DOK6: variants seen among roughly 807,000 people sequenced by gnomAD.
The protein encoded by DOK6 is downstream of tyrosine kinase 6.
DOK6 carries 22 observed loss-of-function variants against 44.0 expected under a neutral mutation model. The ratio of observed to expected loss-of-function variants is 0.50; its 90% CI spans 0.36 to 0.71. The LOEUF is 0.71. DOK6 is among the 30% of genes least tolerant of loss of function. The pLI, the probability that DOK6 is intolerant of heterozygous loss-of-function variation, is 0.00. For synonymous variants in DOK6, 166 were observed against 145.5 expected (o/e 1.14, Z -1.01); for missense variants, 340 against 416.4 (o/e 0.82, Z 1.60).
At chr18:69,751,549 G>A (rs1979178727) in intron 6 of DOK6, among the ~76,000 whole-genome samples, 1 of 152,144 alleles carries the variant, frequency 6.6e-6, no homozygotes, top group Non-Finnish European at 1.5e-5. Flanking sequence ...GTATATTTGA[G>A]TGTGTGTAGA....
intron 5 of DOK6, among the ~76,000 whole-genome samples, chr18:69,736,101 G>C (rs1333045265): frequency 6.6e-6 from 1 of 152,030 alleles, no homozygotes; most frequent in Non-Finnish European, 1.5e-5. Flanking sequence ...ATTCTTGCTG[G>C]CCTTTCCTGA....
chr18:69,592,045 A>T (rs1568305552), intron 2 of DOK6, among the ~76,000 whole-genome samples: 2 of 152,032 alleles, frequency 1.3e-5, no homozygotes, highest in Non-Finnish European at 2.9e-5. Flanking sequence ...ACTATTTGGG[A>T]ATTATTTTCA....
chr18:69,583,276 C>T (rs1408058058), intron 2 of DOK6, among the ~76,000 whole-genome samples: 1 of 152,130 alleles, frequency 6.6e-6, no homozygotes, highest in East Asian at 1.9e-4. Flanking sequence ...TGTTTTAACA[C>T]ACATTTGTAA....
intron 1 of DOK6, among the ~76,000 whole-genome samples, chr18:69,503,146 T>A (rs182384947): frequency 1.3e-5 from 2 of 152,272 alleles, no homozygotes; most frequent in Admixed American, 6.5e-5. Context: ...AATATTTGTA[T>A]AATAAATAGC....
At chr18:69,595,672 G>A (rs1399828703) in intron 2 of DOK6, among the ~76,000 whole-genome samples, 1 of 152,122 alleles carries the variant, frequency 6.6e-6, no homozygotes, top group Non-Finnish European at 1.5e-5. Flanking sequence ...TCAAACTGAT[G>A]TCTTATCCTT....
intron 1 of DOK6, among the ~76,000 whole-genome samples, chr18:69,434,954 GGGAAGGAA>G (rs1167985373): frequency 3.2e-5 from 2 of 62,924 alleles, no homozygotes; most frequent in Non-Finnish European, 6.8e-5. Context: ...GAGGGAGGGA[GGGAAGGAA>G]GGAAGGAAGG....
At chr18:69,831,678 T>C (rs1448044073) in intron 7 of DOK6, among the ~76,000 whole-genome samples, 1 of 152,130 alleles carries the variant, frequency 6.6e-6, no homozygotes, top group Non-Finnish European at 1.5e-5. Flanking sequence ...CAAATCTACT[T>C]AAGGTCATGA....
intron 7 of DOK6, among the ~76,000 whole-genome samples, chr18:69,815,717 A>G (rs10513977): frequency 0.12 from 18,328 of 152,190 alleles, 1,133 homozygotes; most frequent in East Asian, 0.17. Context: ...CTGTAATTTC[A>G]TAGGATTCAA....
chr18:69,705,157 T>C (rs1986607116), intron 5 of DOK6: 1 of 152,224 alleles, frequency 6.6e-6, no homozygotes, highest in South Asian at 2.1e-4. Context: ...GGGAAAATGT[T>C]CTCTTTGAAG....
chr18:69,503,371 G>A (rs1199812915), intron 1 of DOK6, among the ~76,000 whole-genome samples: 1 of 152,032 alleles, frequency 6.6e-6, no homozygotes, highest in African/African-American at 2.4e-5. Flanking sequence ...GTTTCTTTGT[G>A]GCAGGGAGAG....
At chr18:69,659,281 A>G (rs79169334) in intron 3 of DOK6, among the ~76,000 whole-genome samples, 2,743 of 152,306 alleles carry the variant, frequency 0.018, 99 homozygotes, top group East Asian at 0.13. Flanking sequence ...AATGATTTCA[A>G]AAGTCACTGC....
chr18:69,407,817 G>A (rs1916235211), intron 1 of DOK6, among the ~76,000 whole-genome samples: 2 of 152,120 alleles, frequency 1.3e-5, no homozygotes, highest in African/African-American at 4.8e-5. Flanking sequence ...TGAATTATTT[G>A]CAATAATTCT....
At chr18:69,423,134 C>T (rs1239456583) in intron 1 of DOK6, among the ~76,000 whole-genome samples, 2 of 152,170 alleles carry the variant, frequency 1.3e-5, no homozygotes, top group Non-Finnish European at 2.9e-5. Flanking sequence ...GAAACCCCAT[C>T]TCTACGAAGA....
intron 1 of DOK6, among the ~76,000 whole-genome samples, chr18:69,410,085 C>A (rs1978299718): frequency 6.6e-6 from 1 of 152,146 alleles, no homozygotes; most frequent in Admixed American, 6.5e-5. Context: ...TAGAAGCTAC[C>A]AATTTTATGT....
intron 7 of DOK6, among the ~76,000 whole-genome samples, chr18:69,807,402 C>G (rs1402307941): frequency 6.6e-6 from 1 of 151,602 alleles, no homozygotes; most frequent in East Asian, 1.9e-4. Context: ...ACAAAACAAC[C>G]AAAAAACAAT....
intron 1 of DOK6, among the ~76,000 whole-genome samples, chr18:69,506,692 G>A (rs1018826769): frequency 2.0e-5 from 3 of 152,028 alleles, no homozygotes; most frequent in African/African-American, 7.2e-5. Flanking sequence ...AGAATTGTGA[G>A]TAAACATTTC....
intron 1 of DOK6, among the ~76,000 whole-genome samples, chr18:69,416,086 AAGGGAGAGAGGG>A (rs1301904762): frequency 2.8e-5 from 4 of 143,914 alleles, no homozygotes; most frequent in Non-Finnish European, 4.6e-5. Context: ...AGGAGGGAGG[AAGGGAGAGAGGG>A]AGGGAGAGAG....
At chr18:69,425,595 T>A (rs970966923) in intron 1 of DOK6, among the ~76,000 whole-genome samples, 1 of 152,084 alleles carries the variant, frequency 6.6e-6, no homozygotes, top group Non-Finnish European at 1.5e-5. Context: ...CATTGCATCA[T>A]GATTAAAGCA....
chr18:69,610,512 A>G (rs996482579), intron 3 of DOK6, among the ~76,000 whole-genome samples: 2 of 152,212 alleles, frequency 1.3e-5, no homozygotes, highest in Non-Finnish European at 2.9e-5. Context: ...GTATTTTGCA[A>G]TCACTAGAAA....
Sources: gnomAD v4.1 joint callset for allele counts (sites outside exome capture counted in the v4.1 genomes callset) on GRCh38, gnomAD v4.1.1 for gene constraint, MANE v1.5 for transcripts, NCBI Gene and HGNC (gene_info 2026-07-23, HGNC 2026-07-21) for gene names.